The following IQGAP2 variants were observed in gnomAD, a reference collection of about 807,000 sequenced individuals.
The protein encoded by IQGAP2 is IQ motif containing GTPase activating protein 2, also known as ras GTPase-activating-like protein IQGAP2.
Under a neutral mutation model 201.3 loss-of-function variants are expected in IQGAP2, and 173 were observed. The ratio of observed to expected loss-of-function variants is 0.86; its 90% CI spans 0.76 to 0.98. IQGAP2 has a LOEUF of 0.98. Ranked by LOEUF, IQGAP2 falls within the 50% of genes least tolerant of loss-of-function variation. IQGAP2 has a pLI of 0.00. For missense variants in IQGAP2, 1,687 were observed against 1,864.8 expected (o/e 0.90, Z 1.76); for synonymous variants, 675 against 673.9 (o/e 1.00, Z -0.03).
chr5:76,668,863 A>G lies in IQGAP2; in HGVS notation c.2843+19A>G, dbSNP rs372400419. 6 of 1,481,216 alleles carry G rather than the reference A, an allele frequency of 4.1e-6. No homozygotes were observed. The highest frequency in any genetic ancestry group is 5.5e-6 in the Non-Finnish European group (6 of 1,090,938). The allele number at this position is 1,481,216 out of a possible 1,614,324, so 91.8% of individuals were successfully genotyped here. ...AAATAAAGTATGTATACAAATATGT[A>G]TGTAAAAATACCAGTGAATCAATCC... On this transcript the variant is annotated intron_variant, in intron 23 of 35. Coordinates refer to ENST00000274364, the MANE Select transcript of IQGAP2 (RefSeq NM_006633.5).
intron 2 of IQGAP2, among the ~76,000 whole-genome samples, chr5:76,519,791 A>C (rs1405503832): frequency 1.3e-5 from 2 of 152,126 alleles, no homozygotes; most frequent in Non-Finnish European, 2.9e-5. Context: ...TGATTATTTT[A>C]GCTATTTAAA....
At chr5:76,481,110 C>T (rs1755758261) in intron 2 of IQGAP2, among the ~76,000 whole-genome samples, 1 of 152,110 alleles carries the variant, frequency 6.6e-6, no homozygotes, top group Non-Finnish European at 1.5e-5. Flanking sequence ...AAAGGATCCA[C>T]CTCTTAATGC....
chr5:76,644,821 C>G (rs1751900400), intron 17 of IQGAP2, among the ~76,000 whole-genome samples: 2 of 152,216 alleles, frequency 1.3e-5, no homozygotes, highest in South Asian at 4.2e-4. Flanking sequence ...AAAGATGAGG[C>G]ATGTAGTATT....
At chr5:76,621,335 G>A (rs914743514) in intron 13 of IQGAP2, among the ~76,000 whole-genome samples, 1 of 152,208 alleles carries the variant, frequency 6.6e-6, no homozygotes, top group Non-Finnish European at 1.5e-5. Flanking sequence ...TTAAGAAAAG[G>A]TAGATTAAAG....
intron 11 of IQGAP2, 105 bp downstream of exon 11, chr5:76,601,077 C>T (rs1747398877): frequency 9.2e-7 from 1 of 1,092,182 alleles, no homozygotes; most frequent in Non-Finnish European, 1.3e-6. Flanking sequence ...ATACCATGCT[C>T]ATGTTTCTTG....
At chr5:76,699,690 T>C (rs1352901529) in intron 33 of IQGAP2, among the ~76,000 whole-genome samples, 1 of 101,564 alleles carries the variant, frequency 9.8e-6, no homozygotes, top group African/African-American at 4.0e-5. Flanking sequence ...TCTCCATATA[T>C]AGTTCATTTG....
intron 2 of IQGAP2, among the ~76,000 whole-genome samples, chr5:76,529,601 C>T (rs1759163398): frequency 6.6e-6 from 1 of 150,426 alleles, no homozygotes; most frequent in Non-Finnish European, 1.5e-5. Flanking sequence ...GCACTTCAGC[C>T]TGGGTGACAG....
chr5:76,665,667 T>C (rs1408513786), intron 22 of IQGAP2, among the ~76,000 whole-genome samples: 1 of 152,210 alleles, frequency 6.6e-6, no homozygotes, highest in Non-Finnish European at 1.5e-5. Context: ...TTCAAAATAA[T>C]ATTTCTTTTT....
At chr5:76,532,548 T>A (rs996896267) in intron 2 of IQGAP2, among the ~76,000 whole-genome samples, 2 of 152,086 alleles carry the variant, frequency 1.3e-5, no homozygotes, top group Admixed American at 6.6e-5. Context: ...CAGCCTCCTA[T>A]CCTGTAGGCG....
chr5:76,443,993 A>G (rs1025587252), intron 1 of IQGAP2, among the ~76,000 whole-genome samples: 11 of 152,202 alleles, frequency 7.2e-5, no homozygotes, highest in African/African-American at 1.9e-4. Flanking sequence ...TCGTCTACCA[A>G]ATTAGAGTGA....
At chr5:76,551,099 G>A (rs535860284) in intron 2 of IQGAP2, among the ~76,000 whole-genome samples, 52 of 150,168 alleles carry the variant, frequency 3.5e-4, no homozygotes, top group African/African-American at 1.3e-3. Flanking sequence ...CGGGGCGGCT[G>A]CGGGGCGGAG....
chr5:76,497,641 C>G (rs772286219), intron 2 of IQGAP2, among the ~76,000 whole-genome samples: 12 of 152,214 alleles, frequency 7.9e-5, no homozygotes, highest in Non-Finnish European at 1.6e-4. Context: ...CCTCCTTACA[C>G]TAGCTTGGAG....
intron 3 of IQGAP2, among the ~76,000 whole-genome samples, chr5:76,564,880 G>T (rs1744636961): frequency 6.6e-6 from 1 of 152,196 alleles, no homozygotes; most frequent in African/African-American, 2.4e-5. Context: ...ATCGTGGCCA[G>T]CTGTGGCGTG....
chr5:76,574,342 C>A (rs1040468882), intron 4 of IQGAP2, among the ~76,000 whole-genome samples: 5 of 152,142 alleles, frequency 3.3e-5, no homozygotes, highest in Admixed American at 2.6e-4. Context: ...CTGTTCTTGT[C>A]ACCCAGGCTG....
intron 13 of IQGAP2, chr5:76,617,420 T>C (rs757460096): frequency 1.6e-5 from 10 of 609,498 alleles, no homozygotes; most frequent in Non-Finnish European, 2.8e-5. Context: ...TGAGACTCAG[T>C]CTCAAAAACA....
intron 1 of IQGAP2, among the ~76,000 whole-genome samples, chr5:76,412,444 G>A (rs534056412): frequency 3.3e-5 from 5 of 152,260 alleles, no homozygotes; most frequent in Admixed American, 2.0e-4. Flanking sequence ...GGGACTACAG[G>A]TGTGTACCAC....
intron 2 of IQGAP2, among the ~76,000 whole-genome samples, chr5:76,553,976 A>G (rs1743737678): frequency 6.6e-6 from 1 of 152,200 alleles, no homozygotes; most frequent in African/African-American, 2.4e-5. Flanking sequence ...GATTTTATGT[A>G]TGCACACTTT....
At chr5:76,483,915 G>A (rs1580290751) in intron 2 of IQGAP2, among the ~76,000 whole-genome samples, 1 of 152,276 alleles carries the variant, frequency 6.6e-6, no homozygotes, top group East Asian at 1.9e-4. Flanking sequence ...CAAGGGTCAA[G>A]GGAATAATAG....
intron 2 of IQGAP2, among the ~76,000 whole-genome samples, chr5:76,543,831 GTT>G (rs1742932191): frequency 1.3e-5 from 2 of 151,976 alleles, no homozygotes; most frequent in Admixed American, 6.5e-5. Flanking sequence ...TTTTGTTTTT[GTT>G]TTTGTTTTGT....
Sources: gnomAD v4.1 joint callset for allele counts (sites outside exome capture counted in the v4.1 genomes callset) on GRCh38, gnomAD v4.1.1 for gene constraint, MANE v1.5 for transcripts, NCBI Gene and HGNC (gene_info 2026-07-23, HGNC 2026-07-21) for gene names.